The following SLC25A23 variants were observed in gnomAD, a reference collection of about 807,000 sequenced individuals.
SLC25A23 encodes solute carrier family 25 member 23.
A neutral mutation model predicts 53.9 loss-of-function variants in SLC25A23; 32 were observed. That is an observed-to-expected ratio of 0.59 (90% CI 0.45 to 0.80). The LOEUF is 0.80. SLC25A23 is among the 30% of genes least tolerant of loss of function. SLC25A23 has a pLI of 0.00. For missense variants in SLC25A23, 575 were observed against 651.4 expected, an observed-to-expected ratio of 0.88 and a Z score of 1.28; for synonymous variants, 275 against 264.5, an observed-to-expected ratio of 1.04 and a Z score of -0.38.
At chr19:6,439,945 G>C (rs898778693), downstream of SLC25A23, 3 of 152,156 alleles carry the variant, frequency 2.0e-5, no homozygotes, top group African/African-American at 4.8e-5. Context: ...CTCAAAGAGG[G>C]AATCATTTCC....
In SLC25A23 at chr19:6,454,422, C is replaced by A. The variant is rs1332179520; in HGVS notation, c.696G>T (p.Met232Ile). Residue 232 changes from methionine (M) to isoleucine (I), a missense_variant, in exon 6 of 10, where the codon ATG becomes ATT. By Grantham distance (10) the Met-to-Ile change is conservative (BLOSUM62 1). Transcript: ENST00000301454. This position sits in a 1 kb window ranked among gnomAD's most constrained non-coding sequence, Gnocchi z 4.3. Reference protein sequence around the residue: ...RLNILGGLRSMVLEGGIRSLW... With the variant: ...RLNILGGLRSIVLEGGIRSLW... ...GGGAGCGGATGCCTCCCTCAAGGAC[C>A]ATGCTTCGAAGCCCCCCAAGGATGT... 1 of 1,614,170 alleles carries A rather than the reference C, an allele frequency of 6.2e-7. No individual in the cohort carries two copies. The highest frequency in any genetic ancestry group is 2.2e-5 in the East Asian group (1 of 44,878).
chr19:6,455,786 C>T (rs10412845), intron 4 of SLC25A23, among the ~76,000 whole-genome samples: 8,494 of 146,290 alleles, frequency 0.058, 262 homozygotes, highest in East Asian at 0.11. Context: ...GGCACGATCT[C>T]GGCTCACTGC....
In SLC25A23 at chr19:6,441,886, CAA is replaced by C. The variant is rs2092425584; in HGVS notation, c.*87_*88del. ...GATCTGGGTACTGGGATCTCGTGGC[CAA>C]AGAGTAGGGATCCTGTGGTTGGATC... is the stretch of plus-strand genomic sequence containing the variant. On this transcript the variant is annotated 3_prime_UTR_variant, in exon 10 of 10. Transcript: ENST00000301454. 7.6e-7 allele frequency: 1 copy of C among 1,320,360 alleles called. No homozygotes were observed. Among genetic ancestry groups the C allele is most frequent in the South Asian group, 1.2e-5 (1 of 80,618 alleles). 81.8% of individuals were successfully genotyped at this position (1,320,360 alleles called of 1,614,324 possible). A position where few individuals can be genotyped will look rare whatever the true frequency, so the allele number is the denominator to read the frequency against.
At chr19:6,447,508 C>T (rs2092523924) in intron 8 of SLC25A23, among the ~76,000 whole-genome samples, 1 of 152,054 alleles carries the variant, frequency 6.6e-6, no homozygotes, top group African/African-American at 2.4e-5. Context: ...TTTTGAGACA[C>T]AGTCTCACCC....
chr19:6,443,551 T>C (rs1235104668), intron 9 of SLC25A23: 1 of 702,184 alleles, frequency 1.4e-6, no homozygotes, highest in Non-Finnish European at 2.6e-6. Context: ...TATACAACCC[T>C]AAATCAATAC....
chr19:6,453,923 G>T, intron 7 of SLC25A23, 58 bp downstream of exon 7: 1 of 1,367,644 alleles, frequency 7.3e-7, no homozygotes, highest in Non-Finnish European at 1.0e-6. Flanking sequence ...AGAGTGAGAT[G>T]GGTACAGCAG....
At position 6,452,337 on chromosome 19, in the gene SLC25A23, G is replaced by A. The variant is rs1258380748; in HGVS notation, c.1046C>T (p.Ala349Val). The change falls in exon 8 of 10, where the codon GCG (alanine) becomes GTG (valine). Residue 349 changes from alanine (A) to valine (V), a missense_variant. Physicochemically the swap from Ala to Val is moderately conservative, Grantham distance 64. Coordinates refer to ENST00000301454, the MANE Select transcript of SLC25A23 (RefSeq NM_024103.3). ...CTCGTAGACGGCCAGGTCGATGCCC[G>A]CATAGGGGATGATGCCCAGCACGTT... ...LPNVLGIIPY[A>V]GIDLAVYETL... The A allele has an allele frequency of 2.5e-6, 4 of 1,612,980 alleles. No individual in the cohort carries two copies. Among genetic ancestry groups the A allele is most frequent in the Non-Finnish European group, 3.4e-6 (4 of 1,179,502 alleles).
chr19:6,444,415 G>C, intron 8 of SLC25A23, 114 bp from the exon 9 acceptor site: 4 of 1,179,944 alleles, frequency 3.4e-6, no homozygotes, highest in Non-Finnish European at 4.7e-6. Context: ...CTGAGCACTT[G>C]GTACCTCCTA....
In SLC25A23 at chr19:6,454,940, A is replaced by G. The variant is rs1379391987; in HGVS notation, c.484-223T>C. Among the ~76,000 whole-genome samples, 1 of 151,960 alleles carries G rather than the reference A, an allele frequency of 6.6e-6. No homozygotes were observed. The highest frequency in any genetic ancestry group is 6.6e-5 in the Admixed American group (1 of 15,262). On this transcript the variant is annotated intron_variant, in intron 4 of 9. Transcript: ENST00000301454. This position sits in a 1 kb window ranked among gnomAD's most constrained non-coding sequence, Gnocchi z 4.3. ...AGATCCCAATATCCTACTAAATCCC[A>G]CCAAAGGATCTGCCAAATCCCACTA...
At position 6,458,762 on chromosome 19, in the gene SLC25A23, C is replaced by G. The variant is rs566340425; in HGVS notation, c.157-438G>C. ...CCAGGGGTTCCCTTTGGAGGAAGCC[C>G]TGGGCGATGTGGGGCAGGAGAGAAC... On this transcript the variant is annotated intron_variant, in intron 1 of 9. Coordinates refer to ENST00000301454, the MANE Select transcript of SLC25A23 (RefSeq NM_024103.3). 3.2e-3 allele frequency among the ~76,000 whole-genome samples: 489 copies of G among 152,240 alleles called. 2 individuals carry two copies. Among genetic ancestry groups the G allele is most frequent in the Non-Finnish European group, 5.2e-3 (356 of 68,000 alleles).
downstream of SLC25A23, among the ~76,000 whole-genome samples, chr19:6,439,507 GAAA>G (rs1335627696): frequency 1.3e-5 from 2 of 151,008 alleles, no homozygotes; most frequent in Admixed American, 6.6e-5. Context: ...AGGATAATTT[GAAA>G]AAAAATTGAA....
At chr19:6,444,868 C>T (rs560402357) in intron 8 of SLC25A23, among the ~76,000 whole-genome samples, 7 of 152,106 alleles carry the variant, frequency 4.6e-5, no homozygotes, top group South Asian at 4.2e-4. Flanking sequence ...AGGGTTTCAC[C>T]GTGCTGGCCA....
At chr19:6,439,207 G>A (rs1294139204), downstream of SLC25A23, among the ~76,000 whole-genome samples, 1 of 152,008 alleles carries the variant, frequency 6.6e-6, no homozygotes, top group African/African-American at 2.4e-5. Context: ...GTGACAGAGC[G>A]AGACCCTGTC....
rs1439894831 is a variant in SLC25A23, at chr19:6,444,317, G to C, written c.1072-16C>G. ...TCTTCAGAGTCTGGAGTGGAGAAGGGAGTAGGGAGGGTTGGGGTGGGTGAC... is the reference window on the plus strand; with the variant it reads ...TCTTCAGAGTCTGGAGTGGAGAAGGCAGTAGGGAGGGTTGGGGTGGGTGAC... On this transcript the variant is annotated splice_polypyrimidine_tract_variant and intron_variant, in intron 8 of 9. Transcript: ENST00000301454. The C allele has an allele frequency of 1.7e-6, 2 of 1,154,762 alleles. No individual in the cohort carries two copies. The highest frequency in any genetic ancestry group is 2.5e-6 in the Non-Finnish European group (2 of 807,322). The allele number at this position is 1,154,762 out of a possible 1,614,324, so 71.5% of individuals were successfully genotyped here.
intron 8 of SLC25A23, among the ~76,000 whole-genome samples, chr19:6,450,661 GT>G (rs2092575210): frequency 6.6e-6 from 1 of 152,198 alleles, no homozygotes; most frequent in Non-Finnish European, 1.5e-5. Context: ...GTCTCATTTG[GT>G]TGTCTACATG....
At position 6,459,107 on chromosome 19, in the gene SLC25A23, A is replaced by G. The variant is rs778403450; in HGVS notation, c.156+366T>C. 1.3e-5 allele frequency among the ~76,000 whole-genome samples: 2 copies of G among 152,176 alleles called. No individual in the cohort carries two copies. Among genetic ancestry groups the G allele is most frequent in the African/African-American group, 4.8e-5 (2 of 41,444 alleles). On this transcript the variant is annotated intron_variant, in intron 1 of 9. Coordinates refer to ENST00000301454, the MANE Select transcript of SLC25A23 (RefSeq NM_024103.3). This position sits in a 1 kb window ranked among gnomAD's most constrained non-coding sequence, Gnocchi z 4.6. The stretch of plus-strand genomic sequence containing the variant: ...GCAGGCCAGGGCAGTAGGTGCCCAG[A>G]GGATGGAGGGTGTGTCTCCTGGAGG...
At chr19:6,440,016 A>T (rs182891187), downstream of SLC25A23, 270 of 152,250 alleles carry the variant, frequency 1.8e-3, 1 homozygote, top group African/African-American at 6.3e-3. Flanking sequence ...GGGGTAGACT[A>T]AGGTGGTCCC....
rs1167515902 is a variant in SLC25A23, at chr19:6,442,001, G to T, written c.1381C>A (p.Gln461Lys). ...ISYVVYENMK[Q>K]ALGVTSR is the part of the protein sequence containing the mutation. ...CACCTGGACGTGACCCCCAAGGCCT[G>T]CTTCATGTTCTCGTAGACCACATAG... The change falls in exon 10 of 10, where the codon CAG becomes AAG. Residue 461 changes from glutamine (Q) to lysine (K), a missense_variant. By Grantham distance (53) the Gln-to-Lys change is moderately conservative. Coordinates refer to ENST00000301454, the MANE Select transcript of SLC25A23 (RefSeq NM_024103.3). 18 of 1,613,790 alleles carry T rather than the reference G, an allele frequency of 1.1e-5. No individual in the cohort carries two copies. The highest frequency in any genetic ancestry group is 1.4e-5 in the Non-Finnish European group (17 of 1,179,926).
chr19:6,448,165 C>T (rs778475227), intron 8 of SLC25A23, among the ~76,000 whole-genome samples: 4 of 152,264 alleles, frequency 2.6e-5, no homozygotes, highest in Non-Finnish European at 4.4e-5. Flanking sequence ...CTTTGCTTTG[C>T]GGCTGGGAGA....
Sources: allele counts gnomAD v4.1 joint callset (sites outside exome capture counted in the v4.1 genomes callset), GRCh38; gene constraint gnomAD v4.1.1; non-coding constraint Gnocchi (gnomAD v3.1); transcripts MANE v1.5; gene names NCBI Gene and HGNC (gene_info 2026-07-23, HGNC 2026-07-21).